PEX6: variants seen among roughly 807,000 people sequenced by gnomAD.
PEX6 encodes the protein peroxisomal biogenesis factor 6, also known as peroxisome biogenesis factor 6.
Under a neutral mutation model 85.6 loss-of-function variants are expected in PEX6, and 55 were observed. That is an observed-to-expected ratio of 0.64 (90% confidence interval 0.52 to 0.80). The LOEUF is 0.80. PEX6 is among the 30% of genes least tolerant of loss of function. The pLI is 0.00. For synonymous variants in PEX6, 519 were observed against 549.1 expected (o/e 0.95, Z 0.77); for missense variants, 1,099 against 1,260.3 (o/e 0.87, Z 1.94).
chr6:42,975,443 T>C (rs563845674), intron 1 of PEX6, among the ~76,000 whole-genome samples: 5 of 152,284 alleles, frequency 3.3e-5, no homozygotes, highest in East Asian at 1.9e-4. Flanking sequence ...GGTTCAGTCA[T>C]TGGTTGGTTC....
In PEX6 at chr6:42,967,563, G is replaced by T; in HGVS notation, c.1689C>A (p.Ser563Arg). 6.3e-7 allele frequency: 1 copy of T among 1,596,494 alleles called. No individual in the cohort carries two copies. The highest frequency in any genetic ancestry group is 8.5e-7 in the Non-Finnish European group (1 of 1,172,534). The change falls in exon 8 of 17, where the codon AGC (serine) becomes AGA (arginine). Residue 563 changes from serine (S) to arginine (R), a missense_variant and splice_region_variant. This residue lies in a region of PEX6 where 514 missense variants were observed against 627.0 expected (regional missense o/e 0.82). Coordinates refer to ENST00000304611, the MANE Select transcript of PEX6 (RefSeq NM_000287.4). ...HLLLNEDPLN[S>R]CPPLMVVATT... The stretch of plus-strand genomic sequence containing the variant: ...TGGCCACAACCATGAGGGGAGGGCA[G>T]CTGCAGACAGAGGAGTGGGCACTGA...
In PEX6 at chr6:42,969,887, T is replaced by C. The variant is rs752177240; in HGVS notation, c.1231A>G (p.Met411Val). The C allele has an allele frequency of 1.4e-5, 23 of 1,614,032 alleles. 1 individual carries two copies. The highest frequency in any genetic ancestry group is 2.2e-5 in the South Asian group (2 of 91,090). Residue 411 changes from methionine to valine, a missense_variant and splice_region_variant, in exon 4 of 17, where the codon ATG (methionine) becomes GTG (valine). Physicochemically the swap from Met to Val is conservative, Grantham distance 21. Around this residue, in one of 3 missense-constraint regions of PEX6, gnomAD observed 579 missense variants for 611.6 expected, o/e 0.95. Transcript: ENST00000304611. ...LADTTHTSLY[M>V]VGSTLSPVPW... ...TACACCCATCCTTGGGGCCTCACCATGTACAAGGAGGTATGGGTGGTGTCG... is the reference window on the plus strand; with the variant it reads ...TACACCCATCCTTGGGGCCTCACCACGTACAAGGAGGTATGGGTGGTGTCG...
chr6:42,976,401 C>T (rs1303550094), intron 1 of PEX6, among the ~76,000 whole-genome samples: 1 of 152,062 alleles, frequency 6.6e-6, no homozygotes, highest in Non-Finnish European at 1.5e-5. Context: ...CTTGCTCTGT[C>T]ACCCAGGTTG....
At position 42,978,419 on chromosome 6, in the gene PEX6, G is replaced by A. The variant is rs768532180; in HGVS notation, c.732C>T (p.Val244=). 6.2e-6 allele frequency: 10 copies of A among 1,614,042 alleles called. No homozygotes were observed. The highest frequency in any genetic ancestry group is 1.3e-5 in the African/African-American group (1 of 74,906). Residue 244 remains valine, a synonymous_variant, in exon 1 of 17, where the codon GTC becomes GTT. Coordinates refer to ENST00000304611, the MANE Select transcript of PEX6 (RefSeq NM_000287.4). The part of the protein sequence containing the change: ...TSQPHLARVQ[V]LEPRWDLSDR... ...CAGAGAGGTCCCAGCGAGGTTCTAG[G>A]ACCTGCACCCTAGCCAAGTGCGGCT...
intron 11 of PEX6, 32 bp from the exon 12 acceptor site, chr6:42,966,137 G>A (rs376637842): frequency 8.1e-5 from 130 of 1,612,946 alleles, no homozygotes; most frequent in South Asian, 7.9e-4. Context: ...GGTGAGAGCC[G>A]TCAGATGCAC....
chr6:42,973,204 G>GTT (rs1286481682), intron 3 of PEX6, among the ~76,000 whole-genome samples: 1 of 151,634 alleles, frequency 6.6e-6, no homozygotes, highest in Non-Finnish European at 1.5e-5. Context: ...TAGAGACAGG[G>GTT]TTTCACCATA....
chr6:42,970,964 T>C (rs1770039681), intron 3 of PEX6, among the ~76,000 whole-genome samples: 1 of 152,236 alleles, frequency 6.6e-6, no homozygotes, highest in African/African-American at 2.4e-5. Flanking sequence ...GAACAGCTAC[T>C]AACCCAATTT....
rs370867292 is a variant in PEX6, at chr6:42,966,465, C to T, written c.2095-18G>A. The T allele has an allele frequency of 5.0e-6, 8 of 1,613,974 alleles. No individual in the cohort carries two copies. The highest frequency in any genetic ancestry group is 4.4e-5 in the South Asian group (4 of 91,090). ...GAGGGGATCTAGGAGATGGAAAGTGCGTGGTTGGGATATGCTCTTGGAGGG... is the reference window on the plus strand; with the variant it reads ...GAGGGGATCTAGGAGATGGAAAGTGTGTGGTTGGGATATGCTCTTGGAGGG... On this transcript the variant is annotated intron_variant, in intron 10 of 16. Transcript: ENST00000304611.
rs1769705093 is a variant in PEX6 at position 42,965,067 on chromosome 6, G to A, written c.2666+8C>T. On this transcript the variant is annotated splice_region_variant and intron_variant, in intron 15 of 16. Transcript: ENST00000304611. The surrounding 1 kb of genome is among the most constrained non-coding windows in gnomAD (Gnocchi z 5.0). ...AGCCCTTCGCAGTCTTCCTCTAACA[G>A]AGCATACTTGCGTGTGATGGCACTT... 4.3e-6 allele frequency: 7 copies of A among 1,614,000 alleles called. No individual in the cohort carries two copies. The East Asian group carries it at 1.6e-4, about 36-fold the overall frequency.
chr6:42,964,678 C>T lies in PEX6; in HGVS notation c.2806+112G>A. ...CTGTGTTGCCCAGGCTGGCCTCAAA[C>T]TCCTGGGCTCAAGCGATCCTCCCAC... On this transcript the variant is annotated intron_variant, in intron 16 of 16. Coordinates refer to ENST00000304611, the MANE Select transcript of PEX6 (RefSeq NM_000287.4). This position sits in a 1 kb window ranked among gnomAD's most constrained non-coding sequence, Gnocchi z 4.6. 1 of 1,469,460 alleles carries T rather than the reference C, an allele frequency of 6.8e-7. No homozygotes were observed. Among genetic ancestry groups the T allele is most frequent in the Non-Finnish European group, 9.5e-7 (1 of 1,053,032 alleles). 91.0% of individuals were successfully genotyped at this position (1,469,460 alleles called of 1,614,324 possible). A position where few individuals can be genotyped will look rare whatever the true frequency, so the allele number is the denominator to read the frequency against.
intron 1 of PEX6, among the ~76,000 whole-genome samples, 157 bp downstream of exon 1, chr6:42,978,112 T>C (rs912898026): frequency 2.0e-5 from 3 of 152,130 alleles, no homozygotes; most frequent in Non-Finnish European, 4.4e-5. Context: ...CCCAAAGTGC[T>C]GGGATTACAG....
At position 42,977,271 on chromosome 6, in the gene PEX6, T is replaced by TA. The variant is rs1445475359; in HGVS notation, c.882+997dup. On this transcript the variant is annotated intron_variant, in intron 1 of 16. Transcript: ENST00000304611. ...CCTCACTTTTTTTTTTTTTTTTTTT[T>TA]ACACAGAATTTCGCTCTGTCGTCCA... 1.5e-4 allele frequency among the ~76,000 whole-genome samples: 23 copies of TA among 150,866 alleles called. No homozygotes were observed. In the East Asian group the frequency reaches 1.6e-3, roughly 10 times the overall value.
Position 42,969,141 on chromosome 6 carries a change from C to T in PEX6, c.1368-156G>A, listed in dbSNP as rs1002960981. 8.5e-5 allele frequency among the ~76,000 whole-genome samples: 13 copies of T among 152,356 alleles called. No individual in the cohort carries two copies. In the East Asian group the frequency reaches 2.5e-3, roughly 29 times the overall value. ...ACAGGGCTGTCCCCATGTAGTGAGG[C>T]TGTGTCTCCCACACCACCTGCGGTG... On this transcript the variant is annotated intron_variant, in intron 5 of 16. Coordinates refer to ENST00000304611, the MANE Select transcript of PEX6 (RefSeq NM_000287.4).
chr6:42,976,644 T>C (rs1770311582), intron 1 of PEX6, among the ~76,000 whole-genome samples: 1 of 151,808 alleles, frequency 6.6e-6, no homozygotes, highest in African/African-American at 2.4e-5. Flanking sequence ...ATTACAGGCA[T>C]GAGCCACTGC....
In PEX6 at chr6:42,974,451, GTTT is replaced by G. The variant is rs541877938; in HGVS notation, c.1047-368_1047-366del. On this transcript the variant is annotated intron_variant, in intron 2 of 16. Coordinates refer to ENST00000304611, the MANE Select transcript of PEX6 (RefSeq NM_000287.4). ...ACAATCTGTCTGAAATGTTTTTTTT[GTTT>G]TTTTTTTTTTTTTTTTTTTTTGAGA... 2.9e-3 allele frequency among the ~76,000 whole-genome samples: 179 copies of G among 61,020 alleles called. 1 individual carries two copies. The highest frequency in any genetic ancestry group is 8.7e-3 in the African/African-American group (163 of 18,640). 40.0% of individuals were successfully genotyped at this position (61,020 alleles called of 152,430 possible). A position where few individuals can be genotyped will look rare whatever the true frequency, so the allele number is the denominator to read the frequency against.
intron 5 of PEX6, 73 bp from the exon 6 acceptor site, chr6:42,969,058 C>T (rs1769959113): frequency 9.8e-7 from 1 of 1,018,528 alleles, no homozygotes; most frequent in Non-Finnish European, 1.5e-6. Context: ...CACAAGATCC[C>T]TTAGATCTAG....
At chr6:42,975,547 C>T (rs1264647790) in intron 1 of PEX6, among the ~76,000 whole-genome samples, 2 of 152,170 alleles carry the variant, frequency 1.3e-5, no homozygotes, top group African/African-American at 2.4e-5. Flanking sequence ...ACATGTATCT[C>T]TACCTGACAT....
In PEX6 at chr6:42,969,821, G is replaced by A. The variant is rs751884285; in HGVS notation, c.1234-20C>T. The A allele has an allele frequency of 1.1e-5, 17 of 1,613,890 alleles. No homozygotes were observed. The South Asian group carries it at 1.6e-4, about 16-fold the overall frequency. ...ACCCACCTGTGAAAGGTAATAAAAA[G>A]CTTTCGTTTCTAAAAATCGTTTCTA... On this transcript the variant is annotated intron_variant, in intron 4 of 16. Transcript: ENST00000304611.
At position 42,968,994 on chromosome 6, in the gene PEX6, A is replaced by C. The variant is rs1326909113; in HGVS notation, c.1368-9T>G. The C allele has an allele frequency of 6.3e-7, 1 of 1,590,910 alleles. No homozygotes were observed. The highest frequency in any genetic ancestry group is 2.2e-5 in the East Asian group (1 of 44,790). ...CTGTCAGCAGGGCACCCCTGCAACCAGAGAACAGACATTCGTCTCCTTCAT... is the reference window on the plus strand; with the variant it reads ...CTGTCAGCAGGGCACCCCTGCAACCCGAGAACAGACATTCGTCTCCTTCAT... On this transcript the variant is annotated splice_polypyrimidine_tract_variant and intron_variant, in intron 5 of 16. Coordinates refer to ENST00000304611, the MANE Select transcript of PEX6 (RefSeq NM_000287.4).
Sources: gnomAD v4.1 joint callset for allele counts (sites outside exome capture counted in the v4.1 genomes callset) on GRCh38, gnomAD v4.1.1 for gene constraint, gnomAD v4.1.1 regional missense constraint, Gnocchi (gnomAD v3.1) non-coding constraint, MANE v1.5 for transcripts, NCBI Gene and HGNC (gene_info 2026-07-23, HGNC 2026-07-21) for gene names.